Variants in PBX3 observed in about 807,000 individuals in gnomAD.
The protein encoded by PBX3 is pre-B-cell leukemia transcription factor 3.
In PBX3, 14 loss-of-function variants were observed where a neutral mutation model predicts 48.5. The observed-to-expected ratio is 0.29, with a 90% CI of 0.19 to 0.45. The LOEUF is 0.45. Among genes scored for constraint, PBX3 ranks in the 20% least tolerant of loss-of-function variants. PBX3 has a pLI of 1.00. For missense variants in PBX3, 386 were observed against 546.7 expected, an observed-to-expected ratio of 0.71 and a Z score of 2.93; for synonymous variants, 210 against 200.3, an observed-to-expected ratio of 1.05 and a Z score of -0.41.
Position 125,929,675 on chromosome 9 carries a change from A to G in PBX3, c.537A>G (p.Thr179=), listed in dbSNP as rs752400465. 6.2e-7 allele frequency: 1 copy of G among 1,611,032 alleles called. No homozygotes were observed. The highest frequency in any genetic ancestry group is 1.1e-5 in the South Asian group (1 of 90,294). The change falls in exon 4 of 9, where the codon ACA becomes ACG. Residue 179 remains threonine, a synonymous_variant. Transcript: ENST00000373489. ...TACAGGCATGTAATGAATTTACTAC[A>G]CATGTGATGAACCTTCTCCGAGAAC... ...KYEQACNEFT[T]HVMNLLREQS...
intron 2 of PBX3, among the ~76,000 whole-genome samples, chr9:125,750,004 C>A (rs1430681117): frequency 6.6e-6 from 1 of 152,072 alleles, no homozygotes; most frequent in Non-Finnish European, 1.5e-5. Context: ...TTTTTAGCTA[C>A]CTTTAGAAAG....
At chr9:125,816,220 A>G (rs997501579) in intron 2 of PBX3, among the ~76,000 whole-genome samples, 20 of 151,024 alleles carry the variant, frequency 1.3e-4, no homozygotes, top group African/African-American at 4.6e-4. Context: ...CTGGTCTTGA[A>G]CTCCTGAGCT....
intron 2 of PBX3, among the ~76,000 whole-genome samples, chr9:125,780,586 A>G (rs1178904763): frequency 1.4e-5 from 1 of 70,884 alleles, no homozygotes. Flanking sequence ...CCAGTAGGGG[A>G]GGCTGGGCAG....
At chr9:125,890,235 A>G (rs1289018843) in intron 2 of PBX3, among the ~76,000 whole-genome samples, 1 of 152,170 alleles carries the variant, frequency 6.6e-6, no homozygotes, top group Non-Finnish European at 1.5e-5. Flanking sequence ...ATAGGAAAAA[A>G]TTCCCAACCA....
Position 125,899,249 on chromosome 9 carries a change from G to T in PBX3, c.275-16437G>T, listed in dbSNP as rs527942173. Among the ~76,000 whole-genome samples, 297 of 115,664 alleles carry T rather than the reference G, an allele frequency of 2.6e-3. 2 individuals are homozygous for T. The highest frequency in any genetic ancestry group is 8.5e-3 in the African/African-American group (281 of 33,192). The allele number at this position is 115,664 out of a possible 152,430, so 75.9% of individuals were successfully genotyped here. Reference sequence around the variant, plus strand: ...TATATTTATATATAAATATACATATGTATATATATTTATATATAAATATAC... The same window carrying T: ...TATATTTATATATAAATATACATATTTATATATATTTATATATAAATATAC... On this transcript the variant is annotated intron_variant, in intron 2 of 8. Transcript: ENST00000373489.
intron 2 of PBX3, among the ~76,000 whole-genome samples, chr9:125,788,246 T>C (rs1837508700): frequency 6.6e-6 from 1 of 152,220 alleles, no homozygotes; most frequent in Admixed American, 6.5e-5. Flanking sequence ...GTTCATACCA[T>C]AAATTTATTA....
At chr9:125,835,892 C>T (rs1839119432) in intron 2 of PBX3, among the ~76,000 whole-genome samples, 2 of 152,172 alleles carry the variant, frequency 1.3e-5, no homozygotes, top group Admixed American at 6.5e-5. Flanking sequence ...AGACAATCTG[C>T]ACTCCCTTGT....
At chr9:125,963,160 A>C (rs1780487489) in intron 8 of PBX3, 59 bp downstream of exon 8, 1 of 902,160 alleles carries the variant, frequency 1.1e-6, no homozygotes, top group Non-Finnish European at 1.7e-6. Context: ...GTGACTAATA[A>C]AGAAATTAAT....
intron 2 of PBX3, among the ~76,000 whole-genome samples, chr9:125,872,954 C>G (rs989116431): frequency 1.3e-5 from 2 of 151,482 alleles, no homozygotes. Context: ...AATCCCAGCA[C>G]TTTGGGAGAC....
rs141061064 is a variant in PBX3, at chr9:125,911,162, A to G, written c.275-4524A>G. Among the ~76,000 whole-genome samples, 9 of 152,180 alleles carry G rather than the reference A, an allele frequency of 5.9e-5. No individual in the cohort carries two copies. In the East Asian group the frequency reaches 9.7e-4, roughly 16 times the overall value. ...ATCCCAGTTTTCACAACCAAAAGTA[A>G]TTGTTTCAAATGAGATCTCATGACC... On this transcript the variant is annotated intron_variant, in intron 2 of 8. Transcript: ENST00000373489.
chr9:125,832,116 CA>C (rs1193121567), intron 2 of PBX3, among the ~76,000 whole-genome samples: 1 of 151,742 alleles, frequency 6.6e-6, no homozygotes, highest in Non-Finnish European at 1.5e-5. Flanking sequence ...TCTTTTATGA[CA>C]AAAAATTTAT....
chr9:125,898,135 G>GA (rs1450934173), intron 2 of PBX3, among the ~76,000 whole-genome samples: 1 of 151,630 alleles, frequency 6.6e-6, no homozygotes, highest in African/African-American at 2.4e-5. Context: ...CTCTTAGCTA[G>GA]AAAAAACAGA....
chr9:125,946,979 C>T (rs1375193500), intron 5 of PBX3, among the ~76,000 whole-genome samples: 3 of 152,098 alleles, frequency 2.0e-5, no homozygotes, highest in East Asian at 3.9e-4. Context: ...ATTCAATGAC[C>T]ACTGATTTCT....
chr9:125,929,094 C>G (rs1300200309), intron 3 of PBX3, among the ~76,000 whole-genome samples: 1 of 152,216 alleles, frequency 6.6e-6, no homozygotes, highest in Non-Finnish European at 1.5e-5. Context: ...TTGTTTAAAG[C>G]TCAATCCGTG....
At chr9:125,752,132 C>T (rs928343640) in intron 2 of PBX3, among the ~76,000 whole-genome samples, 1 of 152,104 alleles carries the variant, frequency 6.6e-6, no homozygotes, top group Non-Finnish European at 1.5e-5. Context: ...TGGCTGCCAA[C>T]CAAACTCTGA....
At position 125,915,711 on chromosome 9, in the gene PBX3, G is replaced by A; in HGVS notation, c.300G>A (p.Glu100=). ...GTCTCAGCATCAGAGGAGCCCAGGA[G>A]GAGGACCCTCCCGATCCCCAGCTAA... The part of the protein sequence containing the change: ...KTGLSIRGAQ[E]EDPPDPQLMR... The change falls in exon 3 of 9, where the codon GAG becomes GAA. Residue 100 remains glutamate (E), a synonymous_variant. Transcript: ENST00000373489. The A allele has an allele frequency of 3.1e-6, 5 of 1,612,904 alleles. No individual in the cohort carries two copies. The highest frequency in any genetic ancestry group is 4.2e-6 in the Non-Finnish European group (5 of 1,179,242).
At chr9:125,837,719 C>T (rs1431687012) in intron 2 of PBX3, among the ~76,000 whole-genome samples, 3 of 151,898 alleles carry the variant, frequency 2.0e-5, no homozygotes, top group Non-Finnish European at 4.4e-5. Context: ...GCCACCCGAG[C>T]AGCTGGGACT....
intron 2 of PBX3, among the ~76,000 whole-genome samples, chr9:125,868,544 G>T (rs1362132032): frequency 6.6e-6 from 1 of 152,176 alleles, no homozygotes; most frequent in Non-Finnish European, 1.5e-5. Context: ...ATGAGAGCTG[G>T]CATTTATTCC....
chr9:125,949,163 C>T (rs73668736), intron 5 of PBX3, among the ~76,000 whole-genome samples: 6,134 of 152,226 alleles, frequency 0.04, 441 homozygotes, highest in African/African-American at 0.14. Flanking sequence ...AGACTCTGCT[C>T]CAGCACTATT....
Sources: allele counts gnomAD v4.1 joint callset (sites outside exome capture counted in the v4.1 genomes callset), GRCh38; gene constraint gnomAD v4.1.1; transcripts MANE v1.5; gene names NCBI Gene and HGNC (gene_info 2026-07-23, HGNC 2026-07-21).